The following DOCK11 variants were observed in gnomAD, a reference collection of about 807,000 sequenced individuals.
DOCK11 encodes the protein dedicator of cytokinesis 11, also known as dedicator of cytokinesis protein 11.
Under a neutral mutation model 169.1 loss-of-function variants are expected in DOCK11, and 70 were observed. The ratio of observed to expected loss-of-function variants is 0.41; its 90% confidence interval spans 0.34 to 0.51. The LOEUF is 0.51. DOCK11 is among the 20% of genes least tolerant of loss of function. The pLI, the probability that DOCK11 is intolerant of heterozygous loss-of-function variation, is 0.10. For synonymous variants in DOCK11, 529 were observed against 541.3 expected, an observed-to-expected ratio of 0.98 and a Z score of 0.32; for missense variants, 1,166 against 1,538.8, an observed-to-expected ratio of 0.76 and a Z score of 4.05.
Position 118,495,868 on chromosome X carries a change from AAC to A in DOCK11, c.-102_-101del. 1 of 355,211 alleles carries A rather than the reference AAC, an allele frequency of 2.8e-6. No homozygotes were observed. The highest frequency in any genetic ancestry group is 3.8e-6 in the Non-Finnish European group (1 of 260,843). The allele number at this position is 355,211 out of a possible 1,213,427, so 29.3% of individuals were successfully genotyped here. ...GATGTGGCCGGCCGGCCGGCGAGTA[AAC>A]AGAGGGAGCAGCAGCGGCCGCGGCC... is the stretch of plus-strand genomic sequence containing the variant. On this transcript the variant is annotated 5_prime_UTR_variant, in exon 1 of 53. It removes the in-frame stop codon of an upstream open reading frame in the 5' UTR. Coordinates refer to ENST00000276202, the MANE Select transcript of DOCK11 (RefSeq NM_144658.4).
rs578092635 is a variant in DOCK11, at chrX:118,499,718, C to A, written c.102+3645C>A. Among the ~76,000 whole-genome samples, 12 of 112,224 alleles carry A rather than the reference C, an allele frequency of 1.1e-4. No homozygotes were observed. The South Asian group carries it at 3.3e-3, about 31-fold the overall frequency. ...GAATAAAAGCCAGTTTCAACTTGGG[C>A]TTCTTGACCAAGCATTTCCAGTTCA... On this transcript the variant is annotated intron_variant, in intron 1 of 52. Coordinates refer to ENST00000276202, the MANE Select transcript of DOCK11 (RefSeq NM_144658.4).
intron 11 of DOCK11, among the ~76,000 whole-genome samples, chrX:118,572,678 A>T (rs945171650): frequency 1.8e-5 from 2 of 112,183 alleles, no homozygotes; most frequent in Non-Finnish European, 3.8e-5. Flanking sequence ...ATGACTGAGA[A>T]CTATTAATAA....
At chrX:118,634,274 C>A (rs938371966) in intron 35 of DOCK11, 3 of 111,957 alleles carry the variant, frequency 2.7e-5, no homozygotes, top group African/African-American at 9.7e-5. Flanking sequence ...TTTCTTACAA[C>A]CTCTCCTCCC....
intron 30 of DOCK11, among the ~76,000 whole-genome samples, chrX:118,616,532 T>TTG (rs2012835917): frequency 9.0e-6 from 1 of 110,942 alleles, no homozygotes; most frequent in South Asian, 3.8e-4. Context: ...TACTTGTTTT[T>TTG]TTTTTGTTTT....
At chrX:118,571,359 T>C (rs1381872499) in intron 10 of DOCK11, among the ~76,000 whole-genome samples, 1 of 110,171 alleles carries the variant, frequency 9.1e-6, no homozygotes, top group Non-Finnish European at 1.9e-5. Context: ...AATCTTTTTT[T>C]TTTTTTTCTG....
chrX:118,632,972 G>GGGGGGGGGTGAGGGGGGT (rs2015287994), intron 35 of DOCK11: 1 of 83,888 alleles, frequency 1.2e-5, no homozygotes, highest in Non-Finnish European at 2.3e-5. Flanking sequence ...GGGGCGGTGG[G>GGGGGGGGGTGAGGGGGGT]GGGGGGGGTG....
At chrX:118,608,395 T>A (rs779160277) in intron 26 of DOCK11, 39 bp downstream of exon 26, 2 of 1,151,836 alleles carry the variant, frequency 1.7e-6, no homozygotes, top group African/African-American at 3.6e-5. Context: ...AAAGCAGCCA[T>A]AGACACACTT....
At chrX:118,586,533 T>G (rs6646241) in intron 16 of DOCK11, among the ~76,000 whole-genome samples, 1,544 of 111,478 alleles carry the variant, frequency 0.014, 19 homozygotes, top group South Asian at 0.047. Context: ...GGTCTCTCCC[T>G]CAACACCTGG....
At chrX:118,628,775 G>A (rs1443734161) in intron 34 of DOCK11, among the ~76,000 whole-genome samples, 1 of 112,686 alleles carries the variant, frequency 8.9e-6, no homozygotes, top group East Asian at 2.8e-4. Context: ...TTTGAGATGT[G>A]ACTGCCTTAA....
chrX:118,543,819 A>G (rs984751096), intron 4 of DOCK11, among the ~76,000 whole-genome samples: 11 of 111,396 alleles, frequency 9.9e-5, no homozygotes, highest in Non-Finnish European at 1.5e-4. Context: ...GCGTGGTGGC[A>G]GGCGCCTGTA....
intron 6 of DOCK11, among the ~76,000 whole-genome samples, chrX:118,561,102 G>A (rs1176765617): frequency 2.7e-5 from 3 of 112,003 alleles, no homozygotes; most frequent in Admixed American, 9.5e-5. Context: ...ATAGTGAAAG[G>A]GTCAGGAGAT....
chrX:118,666,941 G>T (rs1430221865), intron 45 of DOCK11, among the ~76,000 whole-genome samples: 5 of 111,651 alleles, frequency 4.5e-5, no homozygotes, highest in Non-Finnish European at 9.4e-5. Context: ...ACATCTCATT[G>T]TGGCTTTTAT....
chrX:118,575,964 A>C (rs1245329069), intron 12 of DOCK11, among the ~76,000 whole-genome samples: 1 of 111,810 alleles, frequency 8.9e-6, no homozygotes, highest in Non-Finnish European at 1.9e-5. Context: ...ACATTATTCC[A>C]TCAGTGTCTC....
intron 45 of DOCK11, among the ~76,000 whole-genome samples, chrX:118,668,125 G>T (rs1006310617): frequency 1.8e-5 from 2 of 111,101 alleles, no homozygotes; most frequent in Admixed American, 9.6e-5. Context: ...TTGCCTTATT[G>T]TACTGGCTAG....
chrX:118,654,578 CTTTT>C lies in DOCK11; in HGVS notation c.4696-21_4696-18del. ...ACATCGATATTGTTGTTCAACTTGT[CTTTT>C]TTGTTTGTTTTGAAATTAGGCAACT... On this transcript the variant is annotated intron_variant, in intron 42 of 52. Transcript: ENST00000276202. 8.3e-7 allele frequency: 1 copy of C among 1,198,733 alleles called. No individual in the cohort carries two copies. The highest frequency in any genetic ancestry group is 1.7e-5 in the African/African-American group (1 of 57,523).
At chrX:118,615,741 T>C in intron 30 of DOCK11, 30 bp downstream of exon 30, 1 of 1,118,158 alleles carries the variant, frequency 8.9e-7, no homozygotes, top group Non-Finnish European at 1.2e-6. Context: ...ATCATTTGAG[T>C]TTGTTTTTTT....
At position 118,639,288 on chromosome X, in the gene DOCK11, T is replaced by G. The variant is rs1175903853; in HGVS notation, c.4002-147T>G. 7.6e-6 allele frequency: 4 copies of G among 524,474 alleles called. No individual in the cohort carries two copies. In the African/African-American group the frequency reaches 9.4e-5, roughly 12 times the overall value. The allele number at this position is 524,474 out of a possible 1,213,427, so 43.2% of individuals were successfully genotyped here. A position where few individuals can be genotyped will look rare whatever the true frequency, so the allele number is the denominator to read the frequency against. ...TGCTATTTTAAAGATACATTAAAAC[T>G]TCATCCAGTTTCTAGTGACACTTCA... On this transcript the variant is annotated intron_variant, in intron 37 of 52. Transcript: ENST00000276202.
rs80334422 is a variant in DOCK11, at chrX:118,504,414, C to T, written c.102+8341C>T. 5.4e-5 allele frequency among the ~76,000 whole-genome samples: 6 copies of T among 111,572 alleles called. No homozygotes were observed. The Admixed American group carries it at 5.7e-4, about 11-fold the overall frequency. ...ATCTTGGCGTTCTCTTACTTGACCT[C>T]TGTGGATTGCAAGCAGTGGTTGCTA... On this transcript the variant is annotated intron_variant, in intron 1 of 52. Transcript: ENST00000276202.
In DOCK11 at chrX:118,649,117, C is replaced by T. The variant is rs771198544; in HGVS notation, c.4571C>T (p.Thr1524Ile). 2.4e-5 allele frequency: 29 copies of T among 1,193,371 alleles called. 1 individual carries two copies. The South Asian group carries it at 5.4e-4, about 22-fold the overall frequency. ...ACCAAAAGGAAAACCTTTTTGAGGACACATCTACAGGTCAGTGAAAATAAA... is the reference window on the plus strand; with the variant it reads ...ACCAAAAGGAAAACCTTTTTGAGGATACATCTACAGGTCAGTGAAAATAAA... ...EYTKRKTFLR[T>I]HLQIIIAVSQ... Residue 1524 changes from threonine (T) to isoleucine (I), a missense_variant, in exon 41 of 53, where the codon ACA becomes ATA. Physicochemically the swap from Thr to Ile is moderately conservative, Grantham distance 89. Coordinates refer to ENST00000276202, the MANE Select transcript of DOCK11 (RefSeq NM_144658.4).
Sources: gnomAD v4.1 joint callset for allele counts (sites outside exome capture counted in the v4.1 genomes callset) on GRCh38, gnomAD v4.1.1 for gene constraint, MANE v1.5 for transcripts, NCBI Gene and HGNC (gene_info 2026-07-23, HGNC 2026-07-21) for gene names.